Variants in LRP5 observed in about 807,000 individuals in gnomAD.
LRP5 encodes low-density lipoprotein receptor-related protein 5.
In LRP5, 62 loss-of-function variants were observed where a neutral mutation model predicts 154.1. The observed-to-expected ratio is 0.40, with a 90% CI of 0.33 to 0.50. The LOEUF (loss-of-function observed/expected upper bound fraction) is 0.50. LRP5 is among the 20% of genes least tolerant of loss of function. LRP5 has a pLI of 0.55. For missense variants in LRP5, 1,915 were observed against 2,336.7 expected, an observed-to-expected ratio of 0.82 and a Z score of 3.72; for synonymous variants, 966 against 1,011.5, an observed-to-expected ratio of 0.96 and a Z score of 0.85.
chr11:68,335,737 T>C (rs1050001132), intron 1 of LRP5, among the ~76,000 whole-genome samples: 1 of 152,180 alleles, frequency 6.6e-6, no homozygotes, highest in Non-Finnish European at 1.5e-5. Flanking sequence ...GGGGACATTT[T>C]ATACAGCAAA....
intron 7 of LRP5, among the ~76,000 whole-genome samples, chr11:68,391,605 G>C (rs1438282111): frequency 2.0e-5 from 3 of 152,218 alleles, no homozygotes; most frequent in East Asian, 3.8e-4. Context: ...TCAGGGTGGG[G>C]AACCCAGGGA....
intron 8 of LRP5, among the ~76,000 whole-genome samples, chr11:68,406,091 T>C (rs1225036625): frequency 6.6e-6 from 1 of 152,242 alleles, no homozygotes; most frequent in Non-Finnish European, 1.5e-5. Context: ...GAATAGCTCC[T>C]ACCTCCAAGG....
In LRP5 at chr11:68,386,209, G is replaced by GC; in HGVS notation, c.1016-104dup. 1 of 1,402,638 alleles carries GC rather than the reference G, an allele frequency of 7.1e-7. No individual in the cohort carries two copies. Among genetic ancestry groups the GC allele is most frequent in the Non-Finnish European group, 9.9e-7 (1 of 1,005,796 alleles). 86.9% of individuals were successfully genotyped at this position (1,402,638 alleles called of 1,614,324 possible). A position where few individuals can be genotyped will look rare whatever the true frequency, so the allele number is the denominator to read the frequency against. On this transcript the variant is annotated intron_variant, in intron 5 of 22. Transcript: ENST00000294304. This position sits in a 1 kb window ranked among gnomAD's most constrained non-coding sequence, Gnocchi z 7.9. Reference sequence around the variant, plus strand: ...AACATCACCAGCCTTTGCAAGGAGAGCCCTGGGGGCCTGGCTGAGTATTTC... The same window carrying GC: ...AACATCACCAGCCTTTGCAAGGAGAGCCCCTGGGGGCCTGGCTGAGTATTTC...
rs146055954 is a variant in LRP5 at position 68,422,916 on chromosome 11, C to A, written c.3028-573C>A. ...CCTAACCCCCACCCTCACCTGCCCT[C>A]CCCTCACCTGGCCTCCTTCCGTTGG... On this transcript the variant is annotated intron_variant, in intron 13 of 22. Coordinates refer to ENST00000294304, the MANE Select transcript of LRP5 (RefSeq NM_002335.4). Among the ~76,000 whole-genome samples the A allele has an allele frequency of 8.0e-3, 1,221 of 151,788 alleles. 17 individuals are homozygous for A. Among genetic ancestry groups the A allele is most frequent in the African/African-American group, 0.028 (1,142 of 41,360 alleles).
intron 2 of LRP5, among the ~76,000 whole-genome samples, chr11:68,355,602 C>A (rs1389587152): frequency 6.6e-6 from 1 of 152,204 alleles, no homozygotes; most frequent in Non-Finnish European, 1.5e-5. Context: ...GTGGTCACCT[C>A]CAAACAGGGC....
chr11:68,416,222 G>A (rs901378110), intron 12 of LRP5, 106 bp from the exon 13 acceptor site: 14 of 931,998 alleles, frequency 1.5e-5, no homozygotes, highest in East Asian at 4.8e-5. Context: ...GACCTCCAGC[G>A]GGGCAGATGC....
chr11:68,409,940 G>C lies in LRP5; in HGVS notation c.2118G>C (p.Gly706=). ...CCATCAGCCGCGCCTTCATGAACGG[G>C]AGCTCGGTGGAGCACGTGGTGGAGT... is the stretch of plus-strand genomic sequence containing the variant. ...LKTISRAFMN[G]SSVEHVVEFG... is the part of the protein sequence containing the mutation. Residue 706 remains glycine (G), a synonymous_variant, in exon 10 of 23, where the codon GGG becomes GGC. Coordinates refer to ENST00000294304, the MANE Select transcript of LRP5 (RefSeq NM_002335.4). 1.1e-5 allele frequency: 18 copies of C among 1,614,102 alleles called. No individual in the cohort carries two copies. Among genetic ancestry groups the C allele is most frequent in the Non-Finnish European group, 1.4e-5 (17 of 1,180,016 alleles).
intron 17 of LRP5, among the ~76,000 whole-genome samples, chr11:68,432,825 G>A (rs1304863337): frequency 6.6e-6 from 1 of 152,234 alleles, no homozygotes; most frequent in Non-Finnish European, 1.5e-5. Context: ...CCCAGCCCAT[G>A]GGACTCTGCT....
In LRP5 at chr11:68,403,043, C is replaced by T. The variant is rs559033077; in HGVS notation, c.1585-440C>T. The stretch of plus-strand genomic sequence containing the variant: ...GGTGGATCACTTGAGGTCAGAAGTT[C>T]GAGACCAGCCTGGTCAACATGGTGA... On this transcript the variant is annotated intron_variant, in intron 7 of 22. Transcript: ENST00000294304. Among the ~76,000 whole-genome samples the T allele has an allele frequency of 5.9e-5, 9 of 152,236 alleles. No homozygotes were observed. In the East Asian group the frequency reaches 1.4e-3, roughly 23 times the overall value.
At chr11:68,441,445 C>A (rs1158429805) in intron 21 of LRP5, among the ~76,000 whole-genome samples, 2 of 152,226 alleles carry the variant, frequency 1.3e-5, no homozygotes, top group African/African-American at 4.8e-5. Context: ...GAAGAGGGTT[C>A]TTCTTGGTTT....
intron 5 of LRP5, among the ~76,000 whole-genome samples, chr11:68,378,259 G>T (rs1455000649): frequency 6.6e-6 from 1 of 152,222 alleles, no homozygotes; most frequent in African/African-American, 2.4e-5. Context: ...TGACCCATTG[G>T]CAGGGTCTCC....
chr11:68,389,296 C>G (rs1039022508), intron 6 of LRP5, among the ~76,000 whole-genome samples: 1 of 151,742 alleles, frequency 6.6e-6, no homozygotes, highest in Non-Finnish European at 1.5e-5. Flanking sequence ...TGACATTTAC[C>G]GACATTGACA....
At chr11:68,448,771 C>T (rs769694958) in intron 22 of LRP5, 38 bp from the exon 23 acceptor site, 9 of 1,600,056 alleles carry the variant, frequency 5.6e-6, no homozygotes, top group Non-Finnish European at 7.6e-6. Flanking sequence ...GGCGGATGTG[C>T]CTACCGAATC....
At chr11:68,393,433 G>A (rs115207657) in intron 7 of LRP5, among the ~76,000 whole-genome samples, 148 of 152,308 alleles carry the variant, frequency 9.7e-4, no homozygotes, top group African/African-American at 3.3e-3. Context: ...CATCCCCACC[G>A]GCAGTGTGTG....
chr11:68,427,264 G>A (rs76305224), intron 16 of LRP5, among the ~76,000 whole-genome samples: 9 of 152,264 alleles, frequency 5.9e-5, no homozygotes, highest in African/African-American at 2.2e-4. Context: ...CCCAGGGCTT[G>A]GGGGAGGGGC....
In LRP5 at chr11:68,416,408, A is replaced by T; in HGVS notation, c.2908A>T (p.Ile970Phe). Residue 970 changes from isoleucine (I) to phenylalanine (F), a missense_variant, in exon 13 of 23, where the codon ATC (isoleucine) becomes TTC (phenylalanine). Physicochemically the swap from Ile to Phe is conservative, Grantham distance 21. This residue lies in a region of LRP5 where 1,094 missense variants were observed against 1,210.1 expected (regional missense o/e 0.90). Coordinates refer to ENST00000294304, the MANE Select transcript of LRP5 (RefSeq NM_002335.4). ...GGACGACCAGCACAGCCCGGATCTC[A>T]TCCTGCCCCTGCATGGACTGAGGAA... ...IPDDQHSPDL[I>F]LPLHGLRNVK... The T allele has an allele frequency of 6.2e-7, 1 of 1,613,906 alleles. No homozygotes were observed. The highest frequency in any genetic ancestry group is 8.5e-7 in the Non-Finnish European group (1 of 1,179,834).
intron 2 of LRP5, among the ~76,000 whole-genome samples, chr11:68,350,144 C>A (rs314760): frequency 0.19 from 29,490 of 152,230 alleles, 3,647 homozygotes; most frequent in Non-Finnish European, 0.29. Context: ...TCAAGTGATT[C>A]TCCTGCCTCA....
At chr11:68,304,697 T>G in the LRP5 span, among the ~76,000 whole-genome samples, 1 of 152,260 alleles carries the variant, frequency 6.6e-6, no homozygotes, top group Non-Finnish European at 1.5e-5. Flanking sequence ...AGCCTGCCCC[T>G]TGCACCAGTG....
chr11:68,305,859 A>G, the LRP5 span, among the ~76,000 whole-genome samples: 4 of 152,210 alleles, frequency 2.6e-5, no homozygotes, highest in Non-Finnish European at 4.4e-5. Context: ...GTACTGTATT[A>G]GTTTCCTGTG....
Sources: allele counts gnomAD v4.1 joint callset (sites outside exome capture counted in the v4.1 genomes callset), GRCh38; gene constraint gnomAD v4.1.1; regional missense constraint gnomAD v4.1.1; non-coding constraint Gnocchi (gnomAD v3.1); transcripts MANE v1.5; gene names NCBI Gene and HGNC (gene_info 2026-07-23, HGNC 2026-07-21).